The following DNAH11 variants were observed in gnomAD, a reference collection of about 807,000 sequenced individuals.
DNAH11 encodes axonemal beta dynein heavy chain 11.
Under a neutral mutation model 526.0 loss-of-function variants are expected in DNAH11, and 442 were observed. The observed-to-expected ratio is 0.84, with a 90% CI of 0.78 to 0.91. The LOEUF (loss-of-function observed/expected upper bound fraction) is 0.91, where lower values mean the gene tolerates loss of function less well. DNAH11 is among the 40% of genes least tolerant of loss of function. DNAH11 has a pLI of 0.00. For missense variants in DNAH11, 6,989 were observed against 5,448.7 expected (o/e 1.28, Z -8.90); for synonymous variants, 2,461 against 1,935.9 (o/e 1.27, Z -7.12).
At chr7:21,600,454 AAAAAAC>A (rs1247217602) in intron 15 of DNAH11, among the ~76,000 whole-genome samples, 2 of 150,470 alleles carry the variant, frequency 1.3e-5, no homozygotes, top group African/African-American at 2.5e-5. Context: ...CCCTGTCTCA[AAAAAAC>A]AAAAACAAAA....
chr7:21,685,389 TAGA>T lies in DNAH11; in HGVS notation c.5621+1450_5621+1452del, dbSNP rs1479360953. On this transcript the variant is annotated intron_variant, in intron 32 of 81. Transcript: ENST00000409508. ...CCTGATAGTTTATTAACTTTGAAATTAGAAGAATCACCATGTGGGTTTTTTGGG... is the reference window on the plus strand; with the variant it reads ...CCTGATAGTTTATTAACTTTGAAATTAGAATCACCATGTGGGTTTTTTGGG... Among the ~76,000 whole-genome samples the T allele has an allele frequency of 3.3e-5, 5 of 152,358 alleles. No homozygotes were observed. The East Asian group carries it at 7.7e-4, about 23-fold the overall frequency.
chr7:21,890,138 T>C (rs6949101), intron 76 of DNAH11, among the ~76,000 whole-genome samples: 33,623 of 152,130 alleles, frequency 0.22, 4,093 homozygotes, highest in Non-Finnish European at 0.28. Context: ...AGGTTGCTGT[T>C]ATGAGCAATA....
intron 65 of DNAH11, among the ~76,000 whole-genome samples, chr7:21,839,838 A>G (rs1053354453): frequency 3.9e-5 from 6 of 152,234 alleles, no homozygotes; most frequent in Non-Finnish European, 7.3e-5. Flanking sequence ...TGTCAGTGTA[A>G]GATCACTCTG....
chr7:21,857,356 G>C (rs61430096), intron 68 of DNAH11, among the ~76,000 whole-genome samples: 8,092 of 152,162 alleles, frequency 0.053, 252 homozygotes, highest in Middle Eastern at 0.13. Flanking sequence ...TCATCAGTTG[G>C]AATGCTCAAT....
chr7:21,872,604 T>C (rs1414731955), intron 73 of DNAH11, among the ~76,000 whole-genome samples: 2 of 152,192 alleles, frequency 1.3e-5, no homozygotes, highest in Non-Finnish European at 2.9e-5. Flanking sequence ...GTGTTTGGTA[T>C]TGGAAGAGCA....
At chr7:21,830,078 A>C (rs1008046981) in intron 65 of DNAH11, among the ~76,000 whole-genome samples, 1 of 152,306 alleles carries the variant, frequency 6.6e-6, no homozygotes, top group Middle Eastern at 3.4e-3. Context: ...TGATATTCCC[A>C]GTGTACCTGG....
At chr7:21,636,220 T>C in intron 26 of DNAH11, 125 bp downstream of exon 26, 1 of 740,456 alleles carries the variant, frequency 1.4e-6, no homozygotes. Context: ...AGACTTTTCC[T>C]GCAAAGGGCC....
At chr7:21,787,313 A>G (rs1788233216) in intron 59 of DNAH11, 88 bp from the exon 60 acceptor site, 1 of 1,347,694 alleles carries the variant, frequency 7.4e-7, no homozygotes, top group Non-Finnish European at 1.0e-6. Flanking sequence ...TTGTAATGTG[A>G]GTCCTAAAAG....
intron 46 of DNAH11, among the ~76,000 whole-genome samples, chr7:21,736,399 A>G (rs1020951623): frequency 1.3e-5 from 2 of 152,174 alleles, no homozygotes; most frequent in Non-Finnish European, 2.9e-5. Flanking sequence ...TAGAGAGGAA[A>G]TCACCGAAAG....
Position 21,733,139 on chromosome 7 carries a change from C to T in DNAH11, c.7441-2501C>T, listed in dbSNP as rs565657448. Among the ~76,000 whole-genome samples, 12 of 152,274 alleles carry T rather than the reference C, an allele frequency of 7.9e-5. No homozygotes were observed. In the East Asian group the frequency reaches 1.9e-3, roughly 25 times the overall value. ...CAGTGACTCAAGCCTGTAATTGCAG[C>T]GCTTTGGGAGGCCGAGGTGGGTGGA... On this transcript the variant is annotated intron_variant, in intron 45 of 81. Coordinates refer to ENST00000409508, the MANE Select transcript of DNAH11 (RefSeq NM_001277115.2).
chr7:21,811,826 A>G (rs1189382257), intron 63 of DNAH11, among the ~76,000 whole-genome samples: 1 of 152,224 alleles, frequency 6.6e-6, no homozygotes, highest in Non-Finnish European at 1.5e-5. Context: ...TGTGAAAGAG[A>G]TGTAGACAAT....
chr7:21,648,284 C>G (rs971977028), intron 28 of DNAH11, among the ~76,000 whole-genome samples: 1 of 152,204 alleles, frequency 6.6e-6, no homozygotes, highest in Non-Finnish European at 1.5e-5. Context: ...CAAATTCTTT[C>G]CCTTCCTGTA....
At chr7:21,794,572 G>A (rs1043048695) in intron 61 of DNAH11, among the ~76,000 whole-genome samples, 1 of 152,192 alleles carries the variant, frequency 6.6e-6, no homozygotes, top group African/African-American at 2.4e-5. Context: ...CTGGCTTTGT[G>A]TGAAAGCTAG....
chr7:21,726,216 G>C (rs1785099193), intron 45 of DNAH11, among the ~76,000 whole-genome samples: 1 of 152,030 alleles, frequency 6.6e-6, no homozygotes, highest in Non-Finnish European at 1.5e-5. Context: ...AGAGAGTGAG[G>C]GGGGAGGTGC....
chr7:21,849,728 C>T (rs963850350), intron 66 of DNAH11, among the ~76,000 whole-genome samples: 1 of 152,090 alleles, frequency 6.6e-6, no homozygotes, highest in Non-Finnish European at 1.5e-5. Flanking sequence ...TTCCTGTGGA[C>T]TCTTTCAAGA....
At chr7:21,803,970 A>G (rs1789123548) in intron 62 of DNAH11, among the ~76,000 whole-genome samples, 1 of 152,246 alleles carries the variant, frequency 6.6e-6, no homozygotes, top group Non-Finnish European at 1.5e-5. Flanking sequence ...CGTTCATCTC[A>G]TGGGACTGGG....
chr7:21,726,106 A>G, intron 45 of DNAH11, 122 bp downstream of exon 45: 2 of 1,021,686 alleles, frequency 2.0e-6, no homozygotes, highest in Non-Finnish European at 2.7e-6. Flanking sequence ...CAGGCTGCCC[A>G]GGAAGCATGA....
intron 55 of DNAH11, among the ~76,000 whole-genome samples, chr7:21,771,995 C>G (rs1055476170): frequency 2.0e-5 from 3 of 152,222 alleles, no homozygotes; most frequent in African/African-American, 7.2e-5. Context: ...GCTGTCACTA[C>G]TGACCTTATC....
chr7:21,604,213 A>T (rs1785198001), intron 18 of DNAH11, among the ~76,000 whole-genome samples: 1 of 152,126 alleles, frequency 6.6e-6, no homozygotes, highest in Admixed American at 6.6e-5. Context: ...TACTTCCTTA[A>T]AGTCATGAGG....
Sources: allele counts gnomAD v4.1 joint callset (sites outside exome capture counted in the v4.1 genomes callset), GRCh38; gene constraint gnomAD v4.1.1; transcripts MANE v1.5; gene names NCBI Gene and HGNC (gene_info 2026-07-23, HGNC 2026-07-21).